Variants in LEMD1 observed in about 807,000 individuals in gnomAD.
LEMD1 encodes LEM domain-containing protein 1.
Under a neutral mutation model 17.4 loss-of-function variants are expected in LEMD1, and 18 were observed. The observed-to-expected ratio is 1.04, with a 90% CI of 0.72 to 1.54. The LOEUF (loss-of-function observed/expected upper bound fraction) is 1.54, where lower values mean the gene tolerates loss of function less well. Ranked by LOEUF, LEMD1 falls within the 40% of genes most tolerant of loss-of-function variation. The probability of loss-of-function intolerance (pLI) is 0.00; values close to 1 mark genes in which losing one functional copy is unlikely to be tolerated. For synonymous variants in LEMD1, 88 were observed against 77.8 expected (o/e 1.13, Z -0.69); for missense variants, 195 against 210.4 (o/e 0.93, Z 0.45).
chr1:205,423,618 G>T (rs374213429), upstream of LEMD1, among the ~76,000 whole-genome samples: 281 of 152,278 alleles, frequency 1.8e-3, 15 homozygotes, highest in South Asian at 0.055. Flanking sequence ...TATTCTGCTT[G>T]AAATTATTCT....
chr1:205,406,395 C>A (rs972175350), intron 4 of LEMD1, among the ~76,000 whole-genome samples: 2 of 152,352 alleles, frequency 1.3e-5, no homozygotes, highest in South Asian at 4.1e-4. Context: ...TTTACCTAAG[C>A]GAGCCTGGGC....
chr1:205,443,825 C>T (rs950369025), intron 1 of LEMD1, among the ~76,000 whole-genome samples: 6 of 152,190 alleles, frequency 3.9e-5, no homozygotes, highest in African/African-American at 1.4e-4. Context: ...AGAATTCCAA[C>T]CCATTTCCGT....
intron 4 of LEMD1, among the ~76,000 whole-genome samples, chr1:205,387,799 C>T (rs1316056714): frequency 6.6e-6 from 1 of 152,180 alleles, no homozygotes; most frequent in African/African-American, 2.4e-5. Context: ...CTGGCCACAG[C>T]TGTAGTTAGT....
At chr1:205,420,624 A>T in intron 1 of LEMD1, 50 bp from the exon 2 acceptor site, 1 of 1,001,060 alleles carries the variant, frequency 1.0e-6, no homozygotes, top group Non-Finnish European at 1.6e-6. Context: ...ACCAATAAGT[A>T]CTAAAATGTT....
intron 4 of LEMD1, among the ~76,000 whole-genome samples, chr1:205,400,843 TCC>T (rs58251224): frequency 1.3e-5 from 1 of 79,726 alleles, no homozygotes; most frequent in Non-Finnish European, 2.5e-5. Flanking sequence ...ATGCTATCCC[TCC>T]CCCCCCCCAC....
chr1:205,428,385 T>C (rs1231153848), intron 1 of LEMD1, among the ~76,000 whole-genome samples: 8 of 152,084 alleles, frequency 5.3e-5, no homozygotes, highest in Admixed American at 2.0e-4. Context: ...TATCGTTAGG[T>C]TGCAGCAAAC....
chr1:205,425,382 G>A (rs1666041094), upstream of LEMD1, among the ~76,000 whole-genome samples: 3 of 152,164 alleles, frequency 2.0e-5, no homozygotes, highest in Admixed American at 2.0e-4. Context: ...GTGGGGAGGT[G>A]CGGAGGGGGA....
chr1:205,409,741 A>T (rs1208727125), intron 4 of LEMD1, among the ~76,000 whole-genome samples: 1 of 150,632 alleles, frequency 6.6e-6, no homozygotes, highest in Non-Finnish European at 1.5e-5. Context: ...GCTTGGGACC[A>T]CAAGCATGCG....
rs1390463676 is a variant in LEMD1, at chr1:205,448,474, G to A, written c.-39+1394C>T. 2 of 507,948 alleles carry A rather than the reference G, an allele frequency of 3.9e-6. No homozygotes were observed. The highest frequency in any genetic ancestry group is 4.0e-6 in the Non-Finnish European group (1 of 250,446). 31.5% of individuals were successfully genotyped at this position (507,948 alleles called of 1,614,324 possible). On this transcript the variant is annotated intron_variant, in intron 1 of 3. Coordinates refer to the LEMD1 transcript ENST00000367154. This position sits in a 1 kb window ranked among gnomAD's most constrained non-coding sequence, Gnocchi z 4.7. ...CGAGAAGCCCTCACTCCCCTTCTCAGCACCCCCGACCCCAGACCCACCCAC... is the reference window on the plus strand; with the variant it reads ...CGAGAAGCCCTCACTCCCCTTCTCAACACCCCCGACCCCAGACCCACCCAC...
chr1:205,388,248 C>T (rs994266085), intron 4 of LEMD1, among the ~76,000 whole-genome samples: 6 of 151,122 alleles, frequency 4.0e-5, no homozygotes, highest in East Asian at 1.9e-4. Flanking sequence ...GCCAGGATGG[C>T]GTGCAGTGGC....
Position 205,448,221 on chromosome 1 carries a change from C to T in LEMD1, c.-39+1647G>A. On this transcript the variant is annotated intron_variant, in intron 1 of 3. Coordinates refer to the LEMD1 transcript ENST00000367154. This position sits in a 1 kb window ranked among gnomAD's most constrained non-coding sequence, Gnocchi z 4.7. ...TTACCAGATCCCGTGATGCCCCACC[C>T]CCAAGCAAAGCCTCCTTCTGGTGCC... The T allele has an allele frequency of 2.1e-6, 1 of 475,770 alleles. No homozygotes were observed. The highest frequency in any genetic ancestry group is 4.4e-6 in the Non-Finnish European group (1 of 226,556). 29.5% of individuals were successfully genotyped at this position (475,770 alleles called of 1,614,324 possible). A position where few individuals can be genotyped will look rare whatever the true frequency, so the allele number is the denominator to read the frequency against.
At chr1:205,421,939 A>G (rs1489464873) in intron 1 of LEMD1, 51 bp downstream of exon 1, 1 of 152,194 alleles carries the variant, frequency 6.6e-6, no homozygotes, top group African/African-American at 2.4e-5. Context: ...GAACACACAT[A>G]TGGAAGAAAA....
chr1:205,390,356 A>G (rs969526014), intron 4 of LEMD1, among the ~76,000 whole-genome samples: 2 of 135,642 alleles, frequency 1.5e-5, no homozygotes, highest in South Asian at 2.2e-4. Context: ...CTCTCTCTCT[A>G]AAAAAAAAAA....
chr1:205,444,922 GAA>G (rs1666357485), intron 1 of LEMD1, among the ~76,000 whole-genome samples: 1 of 148,384 alleles, frequency 6.7e-6, no homozygotes, highest in Non-Finnish European at 1.5e-5. Flanking sequence ...GGGCAAAAGA[GAA>G]GTGACCCAGT....
At chr1:205,389,111 C>T (rs1049900033) in intron 4 of LEMD1, among the ~76,000 whole-genome samples, 1 of 133,126 alleles carries the variant, frequency 7.5e-6, no homozygotes, top group Non-Finnish European at 1.6e-5. Context: ...TGCAGTGCCA[C>T]AATCTCGGCT....
intron 3 of LEMD1, among the ~76,000 whole-genome samples, chr1:205,418,639 C>T (rs1039464814): frequency 6.6e-6 from 1 of 152,154 alleles, no homozygotes; most frequent in Non-Finnish European, 1.5e-5. Flanking sequence ...CCTCAGCCTC[C>T]CGAGTAGCTG....
At chr1:205,392,690 TA>T (rs1173440757) in intron 4 of LEMD1, among the ~76,000 whole-genome samples, 1 of 151,204 alleles carries the variant, frequency 6.6e-6, no homozygotes. Flanking sequence ...TAGAAAAAAA[TA>T]AACAGTGTCT....
At chr1:205,443,043 AGGAG>A (rs1450946703) in intron 1 of LEMD1, among the ~76,000 whole-genome samples, 2 of 152,232 alleles carry the variant, frequency 1.3e-5, no homozygotes, top group African/African-American at 4.8e-5. Context: ...TTGATCCGGA[AGGAG>A]GGAGGGAGGG....
chr1:205,403,405 C>T (rs1664944132), intron 4 of LEMD1, among the ~76,000 whole-genome samples: 1 of 152,142 alleles, frequency 6.6e-6, no homozygotes, highest in African/African-American at 2.4e-5. Flanking sequence ...TTCAGAGATT[C>T]AACTTCTTCC....
Sources: gnomAD v4.1 joint callset for allele counts (sites outside exome capture counted in the v4.1 genomes callset) on GRCh38, gnomAD v4.1.1 for gene constraint, Gnocchi (gnomAD v3.1) non-coding constraint, MANE v1.5 for transcripts, NCBI Gene and HGNC (gene_info 2026-07-23, HGNC 2026-07-21) for gene names.